Variants in ZFAND3 observed in about 807,000 individuals in gnomAD.
ZFAND3 encodes the protein zinc finger AN1-type containing 3.
ZFAND3 carries 10 observed loss-of-function variants against 29.6 expected under a neutral mutation model. The ratio of observed to expected loss-of-function variants is 0.34; its 90% CI spans 0.21 to 0.57. The LOEUF (loss-of-function observed/expected upper bound fraction) is 0.57, where lower values mean the gene tolerates loss of function less well. ZFAND3 is among the 20% of genes least tolerant of loss of function. The pLI is 0.86. For missense variants in ZFAND3, 230 were observed against 304.5 expected (o/e 0.76, Z 1.82); for synonymous variants, 128 against 112.6 (o/e 1.14, Z -0.87).
intron 1 of ZFAND3, among the ~76,000 whole-genome samples, chr6:37,841,356 C>T (rs1764070166): frequency 6.9e-6 from 1 of 144,984 alleles, no homozygotes. Flanking sequence ...TGCTTTCCAT[C>T]CTTCTATCCA....
intron 5 of ZFAND3, among the ~76,000 whole-genome samples, chr6:38,121,457 A>C (rs1294366119): frequency 6.6e-6 from 1 of 152,230 alleles, no homozygotes; most frequent in Non-Finnish European, 1.5e-5. Context: ...GGCATGTTAA[A>C]AACAGATTGT....
chr6:37,920,889 G>A lies in ZFAND3; in HGVS notation c.72-9070G>A, dbSNP rs1303583273. Reference sequence around the variant, plus strand: ...TGTTTGCCTAGGGTGAGTAGAGAGTGGTGATTTAGTAGAGCTGTTGGCTGC... The same window carrying A: ...TGTTTGCCTAGGGTGAGTAGAGAGTAGTGATTTAGTAGAGCTGTTGGCTGC... On this transcript the variant is annotated intron_variant, in intron 1 of 5. Coordinates refer to ENST00000287218, the MANE Select transcript of ZFAND3 (RefSeq NM_021943.3). 2.6e-5 allele frequency among the ~76,000 whole-genome samples: 4 copies of A among 152,110 alleles called. No homozygotes were observed. The East Asian group carries it at 7.7e-4, about 29-fold the overall frequency.
intron 3 of ZFAND3, among the ~76,000 whole-genome samples, chr6:38,069,869 G>C (rs1239109975): frequency 6.6e-6 from 1 of 152,088 alleles, no homozygotes; most frequent in Non-Finnish European, 1.5e-5. Context: ...GCAAAACCAT[G>C]ATTTTTAAGT....
At chr6:38,142,312 C>G (rs1170020301) in intron 5 of ZFAND3, 1 of 471,412 alleles carries the variant, frequency 2.1e-6, no homozygotes, top group Non-Finnish European at 4.4e-6. Flanking sequence ...CCCCTGACCA[C>G]GTTGCCACTC....
intron 2 of ZFAND3, among the ~76,000 whole-genome samples, chr6:38,030,250 C>G (rs1763534521): frequency 6.6e-6 from 1 of 151,034 alleles, no homozygotes; most frequent in Non-Finnish European, 1.5e-5. Flanking sequence ...TGGTCTCACA[C>G]TCCTGACCTC....
At chr6:37,851,557 ATTG>A (rs1448680044) in intron 1 of ZFAND3, among the ~76,000 whole-genome samples, 1 of 147,526 alleles carries the variant, frequency 6.8e-6, no homozygotes, top group African/African-American at 2.6e-5. Flanking sequence ...CGTAAAACTA[ATTG>A]TTGTTCCCTA....
chr6:38,085,730 G>A (rs140962782), intron 4 of ZFAND3, among the ~76,000 whole-genome samples: 1 of 152,158 alleles, frequency 6.6e-6, no homozygotes, highest in Non-Finnish European at 1.5e-5. Context: ...ATGAGCAACC[G>A]TGCTCAGCCC....
At chr6:37,841,393 A>G (rs11759574) in intron 1 of ZFAND3, among the ~76,000 whole-genome samples, 10,270 of 152,250 alleles carry the variant, frequency 0.067, 413 homozygotes, top group Non-Finnish European at 0.085. Context: ...TTTATTTTCC[A>G]AGTAAATTGT....
Position 37,930,060 on chromosome 6 carries a change from G to A in ZFAND3, c.112+61G>A, listed in dbSNP as rs1415053456. 7 of 1,389,548 alleles carry A rather than the reference G, an allele frequency of 5.0e-6. No individual in the cohort carries two copies. In the South Asian group the frequency reaches 8.9e-5, roughly 18 times the overall value. The allele number at this position is 1,389,548 out of a possible 1,614,324, so 86.1% of individuals were successfully genotyped here. On this transcript the variant is annotated intron_variant, in intron 2 of 5. Transcript: ENST00000287218. ...ATTTTTCTTTCTTTTTTTTTTTTTGGTTCTTTTTAAGACTAAATCATTTGA... is the reference window on the plus strand; with the variant it reads ...ATTTTTCTTTCTTTTTTTTTTTTTGATTCTTTTTAAGACTAAATCATTTGA...
At chr6:38,082,296 C>G in intron 3 of ZFAND3, 96 bp from the exon 4 acceptor site, 1 of 1,111,068 alleles carries the variant, frequency 9.0e-7, no homozygotes. Context: ...TCAGGTTGAT[C>G]TTTTCCTTTT....
chr6:38,003,858 G>A, intron 2 of ZFAND3: 1 of 439,194 alleles, frequency 2.3e-6, no homozygotes, highest in Non-Finnish European at 4.6e-6. Flanking sequence ...CTGCCTTCAG[G>A]GAACCCCTCA....
At position 37,884,407 on chromosome 6, in the gene ZFAND3, C is replaced by A. The variant is rs184670303; in HGVS notation, c.72-45552C>A. On this transcript the variant is annotated intron_variant, in intron 1 of 5. Transcript: ENST00000287218. ...TACTTGGGAGGCTGAGGCAGGAGAA[C>A]CACTTGAACCTGGGAGGCGGAGATT... is the stretch of plus-strand genomic sequence containing the variant. Among the ~76,000 whole-genome samples, 17 of 137,790 alleles carry A rather than the reference C, an allele frequency of 1.2e-4. 3 individuals carry two copies. Among genetic ancestry groups the A allele is most frequent in the African/African-American group, 5.3e-4 (17 of 32,368 alleles). 90.4% of individuals were successfully genotyped at this position (137,790 alleles called of 152,430 possible).
intron 1 of ZFAND3, among the ~76,000 whole-genome samples, chr6:37,866,620 C>T (rs1435735622): frequency 1.3e-5 from 2 of 152,110 alleles, no homozygotes; most frequent in Non-Finnish European, 2.9e-5. Context: ...TTAGGTTACC[C>T]AGTGGTTTTC....
intron 2 of ZFAND3, among the ~76,000 whole-genome samples, chr6:37,948,727 T>C (rs1313401893): frequency 2.6e-5 from 4 of 152,244 alleles, no homozygotes; most frequent in Admixed American, 6.5e-5. Flanking sequence ...TCTGTTCCTG[T>C]ATGTGTTTGC....
chr6:37,924,406 C>T (rs921552965), intron 1 of ZFAND3, among the ~76,000 whole-genome samples: 1 of 151,076 alleles, frequency 6.6e-6, no homozygotes, highest in Non-Finnish European at 1.5e-5. Flanking sequence ...AAATACCAAC[C>T]AAGAGTGACC....
intron 2 of ZFAND3, among the ~76,000 whole-genome samples, chr6:37,952,784 A>G (rs1185458819): frequency 6.6e-6 from 1 of 151,840 alleles, no homozygotes; most frequent in Non-Finnish European, 1.5e-5. Context: ...GGTGCTCAGC[A>G]GCCCCATGCA....
intron 2 of ZFAND3, among the ~76,000 whole-genome samples, chr6:37,939,468 T>G (rs901072622): frequency 6.6e-6 from 1 of 152,156 alleles, no homozygotes; most frequent in Non-Finnish European, 1.5e-5. Context: ...TTAACTTAAT[T>G]ACATCTGCAG....
intron 1 of ZFAND3, among the ~76,000 whole-genome samples, chr6:37,848,147 C>G (rs1191042863): frequency 6.6e-6 from 1 of 152,232 alleles, no homozygotes; most frequent in Non-Finnish European, 1.5e-5. Context: ...GTTTTGAGAA[C>G]TTTATCCTTT....
At chr6:37,950,725 C>T (rs1761983874) in intron 2 of ZFAND3, among the ~76,000 whole-genome samples, 1 of 152,094 alleles carries the variant, frequency 6.6e-6, no homozygotes, top group African/African-American at 2.4e-5. Flanking sequence ...ATTTTGGGTT[C>T]TCTAACCTGT....
Sources: allele counts gnomAD v4.1 joint callset (sites outside exome capture counted in the v4.1 genomes callset), GRCh38; gene constraint gnomAD v4.1.1; transcripts MANE v1.5; gene names NCBI Gene and HGNC (gene_info 2026-07-23, HGNC 2026-07-21).